NDUFS4: variants seen among roughly 807,000 people sequenced by gnomAD.
NDUFS4 encodes the protein NADH:ubiquinone oxidoreductase subunit S4.
Under a neutral mutation model 24.3 loss-of-function variants are expected in NDUFS4, and 28 were observed. The ratio of observed to expected loss-of-function variants is 1.15; its 90% confidence interval spans 0.85 to 1.58. The LOEUF (loss-of-function observed/expected upper bound fraction) is 1.58, where lower values mean the gene tolerates loss of function less well. Among genes scored for constraint, NDUFS4 ranks in the 40% most tolerant of loss-of-function variants. The pLI is 0.00. For synonymous variants in NDUFS4, 93 were observed against 69.7 expected (o/e 1.34, Z -1.67); for missense variants, 223 against 207.9 (o/e 1.07, Z -0.45).
chr5:53,588,137 A>C (rs560435559), intron 1 of NDUFS4, among the ~76,000 whole-genome samples: 3 of 152,304 alleles, frequency 2.0e-5, no homozygotes, highest in Admixed American at 2.0e-4. Context: ...TTGGTTTCCC[A>C]GTGATAAAAG....
rs146452166 is a variant in NDUFS4, at chr5:53,682,512, A to G, written c.425-606A>G. 6.7e-3 allele frequency among the ~76,000 whole-genome samples: 971 copies of G among 143,924 alleles called. 12 individuals carry two copies. The highest frequency in any genetic ancestry group is 0.024 in the African/African-American group (896 of 37,740). 94.4% of individuals were successfully genotyped at this position (143,924 alleles called of 152,430 possible). On this transcript the variant is annotated intron_variant, in intron 4 of 4. Coordinates refer to ENST00000296684, the MANE Select transcript of NDUFS4 (RefSeq NM_002495.4). ...TATCAGGTACTCCCATCTGAGTCCA[A>G]TTAGTGCAGATAGATAGCCATTGAA... is the stretch of plus-strand genomic sequence containing the variant.
chr5:53,590,386 G>A (rs1030598101), intron 1 of NDUFS4, among the ~76,000 whole-genome samples: 1 of 152,198 alleles, frequency 6.6e-6, no homozygotes, highest in African/African-American at 2.4e-5. Flanking sequence ...GTTGGATAAT[G>A]ATGCTATGCA....
intron 2 of NDUFS4, among the ~76,000 whole-genome samples, chr5:53,605,843 T>C (rs1159552990): frequency 6.6e-6 from 1 of 151,926 alleles, no homozygotes; most frequent in Non-Finnish European, 1.5e-5. Context: ...TGAAACCTCA[T>C]CTCTACCAAA....
intron 4 of NDUFS4, 40 bp from the exon 5 acceptor site, chr5:53,683,078 A>ATTCTGT (rs1031289712): frequency 4.5e-6 from 6 of 1,337,856 alleles, no homozygotes; most frequent in Non-Finnish European, 5.4e-6. Context: ...ATCCTCTTTA[A>ATTCTGT]TTCTGTTTCT....
At chr5:53,679,325 C>T (rs566810247) in intron 4 of NDUFS4, among the ~76,000 whole-genome samples, 2 of 150,834 alleles carry the variant, frequency 1.3e-5, no homozygotes, top group Admixed American at 1.3e-4. Context: ...TTAGAAAATG[C>T]ATGCTTCTTC....
At chr5:53,673,517 A>G (rs1218559950) in intron 4 of NDUFS4, among the ~76,000 whole-genome samples, 1 of 152,198 alleles carries the variant, frequency 6.6e-6, no homozygotes, top group Non-Finnish European at 1.5e-5. Context: ...TTGCAAAGTC[A>G]CAGTAAAACT....
intron 3 of NDUFS4, among the ~76,000 whole-genome samples, chr5:53,652,334 G>T (rs1420809759): frequency 6.6e-6 from 1 of 151,998 alleles, no homozygotes; most frequent in African/African-American, 2.4e-5. Context: ...CAGAGGCAGT[G>T]CTAATGGAAA....
chr5:53,577,732 C>G (rs991715155), intron 1 of NDUFS4, among the ~76,000 whole-genome samples: 1 of 152,078 alleles, frequency 6.6e-6, no homozygotes, highest in African/African-American at 2.4e-5. Context: ...TTGAGGTCTT[C>G]CAACTCACTT....
Position 53,640,363 on chromosome 5 carries a change from G to T in NDUFS4, c.178-5870G>T, listed in dbSNP as rs193077507. Among the ~76,000 whole-genome samples the T allele has an allele frequency of 2.4e-3, 366 of 152,182 alleles. 5 individuals carry two copies. The highest frequency in any genetic ancestry group is 8.2e-3 in the African/African-American group (341 of 41,540). On this transcript the variant is annotated intron_variant, in intron 2 of 4. Coordinates refer to ENST00000296684, the MANE Select transcript of NDUFS4 (RefSeq NM_002495.4). ...AAGGAGCCAGTGTGGGCAGTATCTT[G>T]GTCCATTTGTGTTGCTGTAAAGGAA...
At chr5:53,614,989 T>C (rs771084517) in intron 2 of NDUFS4, among the ~76,000 whole-genome samples, 13 of 151,986 alleles carry the variant, frequency 8.6e-5, no homozygotes, top group Admixed American at 1.3e-4. Flanking sequence ...CTGTATGTTA[T>C]CTCCTTGAAA....
intron 2 of NDUFS4, chr5:53,604,576 C>T (rs1228849135): frequency 2.7e-6 from 1 of 364,356 alleles, no homozygotes; most frequent in Non-Finnish European, 5.4e-6. Flanking sequence ...GATTAATTTT[C>T]CTTAGGATGC....
intron 1 of NDUFS4, among the ~76,000 whole-genome samples, chr5:53,572,766 T>C (rs1183157815): frequency 6.6e-6 from 1 of 150,552 alleles, no homozygotes; most frequent in African/African-American, 2.4e-5. Context: ...TGCCTCAGCC[T>C]CCCAAGTAGC....
At chr5:53,577,603 G>C (rs1309935226) in intron 1 of NDUFS4, among the ~76,000 whole-genome samples, 4 of 151,884 alleles carry the variant, frequency 2.6e-5, no homozygotes, top group Non-Finnish European at 5.9e-5. Context: ...TCTAATTTTA[G>C]ATGGTCTCTT....
chr5:53,659,879 A>G (rs758007815), intron 4 of NDUFS4, among the ~76,000 whole-genome samples: 36 of 152,208 alleles, frequency 2.4e-4, no homozygotes, highest in African/African-American at 4.3e-4. Flanking sequence ...TTATACTTCT[A>G]TTTCCTCATA....
chr5:53,614,189 GTTA>G (rs952182574), intron 2 of NDUFS4, among the ~76,000 whole-genome samples: 7 of 151,760 alleles, frequency 4.6e-5, no homozygotes, highest in Non-Finnish European at 1.0e-4. Context: ...AAACAAGTCA[GTTA>G]TTATTTTTCA....
chr5:53,640,461 A>G (rs1033199986), intron 2 of NDUFS4, among the ~76,000 whole-genome samples: 2 of 152,146 alleles, frequency 1.3e-5, no homozygotes, highest in African/African-American at 4.8e-5. Context: ...TGCAAGAAGC[A>G]TGGTGCCATC....
At chr5:53,663,750 G>C (rs554250962) in intron 4 of NDUFS4, among the ~76,000 whole-genome samples, 1 of 152,228 alleles carries the variant, frequency 6.6e-6, no homozygotes, top group South Asian at 2.1e-4. Context: ...TGGGTTTCCT[G>C]AATACAGGAC....
intron 4 of NDUFS4, among the ~76,000 whole-genome samples, chr5:53,675,470 C>T (rs1740436750): frequency 6.6e-6 from 1 of 152,006 alleles, no homozygotes; most frequent in African/African-American, 2.4e-5. Context: ...CCCAGAGTTC[C>T]CTAAAAAGAC....
At chr5:53,647,428 G>T (rs1296715129) in intron 3 of NDUFS4, among the ~76,000 whole-genome samples, 1 of 151,938 alleles carries the variant, frequency 6.6e-6, no homozygotes, top group Non-Finnish European at 1.5e-5. Context: ...TTGTTGCCCG[G>T]GCTGGTCTCG....
Sources: allele counts gnomAD v4.1 joint callset (sites outside exome capture counted in the v4.1 genomes callset), GRCh38; gene constraint gnomAD v4.1.1; transcripts MANE v1.5; gene names NCBI Gene and HGNC (gene_info 2026-07-23, HGNC 2026-07-21).